RAC1: variants seen among roughly 807,000 people sequenced by gnomAD.
RAC1 encodes the protein ras-related C3 botulinum toxin substrate 1.
Under a neutral mutation model 25.2 loss-of-function variants are expected in RAC1, and 2 were observed. The observed-to-expected ratio is 0.08, with a 90% CI of 0.03 to 0.25. The LOEUF (loss-of-function observed/expected upper bound fraction) is 0.25. Ranked by LOEUF, RAC1 falls within the 10% of genes least tolerant of loss-of-function variation. RAC1 has a pLI of 1.00. For synonymous variants in RAC1, 88 were observed against 94.0 expected, an observed-to-expected ratio of 0.94 and a Z score of 0.37; for missense variants, 50 against 235.7, an observed-to-expected ratio of 0.21 and a Z score of 5.16.
At chr7:6,385,599 T>C (rs953124084) in intron 1 of RAC1, among the ~76,000 whole-genome samples, 2 of 152,206 alleles carry the variant, frequency 1.3e-5, no homozygotes, top group African/African-American at 4.8e-5. Context: ...AGCTACTTCC[T>C]GGTGATGTAA....
At chr7:6,381,595 G>C (rs1252394184) in intron 1 of RAC1, among the ~76,000 whole-genome samples, 1 of 104,770 alleles carries the variant, frequency 9.5e-6, no homozygotes, top group Non-Finnish European at 2.5e-5. Context: ...GGGTTTCACT[G>C]TGCTGCCCAG....
At chr7:6,398,128 G>T (rs567143275) in intron 3 of RAC1, among the ~76,000 whole-genome samples, 3 of 152,332 alleles carry the variant, frequency 2.0e-5, no homozygotes, top group African/African-American at 7.2e-5. Context: ...CTAGGTGGAA[G>T]ATAGGAACAT....
chr7:6,384,332 C>T (rs1362275064), intron 1 of RAC1, among the ~76,000 whole-genome samples: 1 of 152,190 alleles, frequency 6.6e-6, no homozygotes, highest in African/African-American at 2.4e-5. Context: ...TCCCTGGCGT[C>T]CTCAGGCTTC....
intron 3 of RAC1, 44 bp from the exon 4 acceptor site, chr7:6,400,082 C>A: frequency 6.5e-7 from 1 of 1,536,484 alleles, no homozygotes; most frequent in South Asian, 1.1e-5. Flanking sequence ...ATGCTTCATT[C>A]TAAGGTTGTT....
chr7:6,392,057 G>A lies in RAC1; in HGVS notation c.225+16G>A, dbSNP rs768947259. 1.2e-6 allele frequency: 2 copies of A among 1,614,048 alleles called. No homozygotes were observed. Among genetic ancestry groups the A allele is most frequent in the Non-Finnish European group, 1.7e-6 (2 of 1,179,988 alleles). On this transcript the variant is annotated intron_variant, in intron 3 of 5. Transcript: ENST00000348035. ...TCCGCAAACAGTAAGGATTGCAGCT[G>A]ACTTTTAATGTGTCTTTTAGAGTAT...
chr7:6,396,122 G>A (rs1368958471), intron 3 of RAC1, among the ~76,000 whole-genome samples: 2 of 152,204 alleles, frequency 1.3e-5, no homozygotes, highest in African/African-American at 2.4e-5. Flanking sequence ...TCAGAAAGGG[G>A]AAAGCAGTGC....
At chr7:6,377,486 C>G (rs7792815) in intron 1 of RAC1, among the ~76,000 whole-genome samples, 7 of 151,822 alleles carry the variant, frequency 4.6e-5, no homozygotes, top group African/African-American at 1.7e-4. Context: ...CCCAGCTACT[C>G]GGGAGGCTAA....
rs540068161 is a variant in RAC1, at chr7:6,377,905, T to C, written c.35+3135T>C. ...GGGTGACAGAGGGAAACTGTCTTTT[T>C]TTGTTTGTTTGTTTTTAAAGGAGAT... On this transcript the variant is annotated intron_variant, in intron 1 of 5. Transcript: ENST00000348035. Among the ~76,000 whole-genome samples the C allele has an allele frequency of 2.6e-5, 4 of 151,952 alleles. No individual in the cohort carries two copies. In the South Asian group the frequency reaches 8.3e-4, roughly 32 times the overall value.
chr7:6,387,805 C>G (rs1195607289), intron 2 of RAC1, among the ~76,000 whole-genome samples: 1 of 151,854 alleles, frequency 6.6e-6, no homozygotes, highest in African/African-American at 2.4e-5. Flanking sequence ...ATCCAGAAAG[C>G]AAACTTTAAC....
chr7:6,378,511 A>C (rs1057193021), intron 1 of RAC1, among the ~76,000 whole-genome samples: 2 of 152,058 alleles, frequency 1.3e-5, no homozygotes, highest in Non-Finnish European at 2.9e-5. Context: ...GTGTCACTGC[A>C]CTCCAGCCTG....
intron 1 of RAC1, among the ~76,000 whole-genome samples, chr7:6,379,245 G>A (rs145489183): frequency 0.022 from 3,289 of 149,452 alleles, 61 homozygotes; most frequent in Middle Eastern, 0.053. Flanking sequence ...GGAACTACAC[G>A]TGCCTGCTAC....
At chr7:6,374,893 C>A (rs1407400803) in intron 1 of RAC1, 123 bp downstream of exon 1, 2 of 827,836 alleles carry the variant, frequency 2.4e-6, no homozygotes, top group Non-Finnish European at 3.0e-6. Flanking sequence ...TGGGCCTGGG[C>A]CTGTGTCGCG....
At chr7:6,396,719 C>G (rs1783245404) in intron 3 of RAC1, among the ~76,000 whole-genome samples, 1 of 152,174 alleles carries the variant, frequency 6.6e-6, no homozygotes, top group South Asian at 2.1e-4. Context: ...CTAATGTGCT[C>G]TTTGAATGTT....
At chr7:6,391,694 T>C in intron 2 of RAC1, 1 of 537,900 alleles carries the variant, frequency 1.9e-6, no homozygotes. Flanking sequence ...TTCACTTAAA[T>C]AGCTTGTTGT....
Position 6,374,797 on chromosome 7 carries a change from G to C in RAC1, c.35+27G>C, listed in dbSNP as rs768504081. 69 of 1,113,018 alleles carry C rather than the reference G, an allele frequency of 6.2e-5. 1 individual carries two copies. In the East Asian group the frequency reaches 3.1e-3, roughly 51 times the overall value. 68.9% of individuals were successfully genotyped at this position (1,113,018 alleles called of 1,614,324 possible). ...TGAGTGCGCGGCCGGGGCCGGGCTG[G>C]AGGCCGCGGGATCGGGCGCGGAGGG... On this transcript the variant is annotated intron_variant, in intron 1 of 5. Coordinates refer to ENST00000348035, the MANE Select transcript of RAC1 (RefSeq NM_006908.5).
intron 1 of RAC1, among the ~76,000 whole-genome samples, chr7:6,381,218 T>A (rs1782754196): frequency 6.6e-6 from 1 of 152,174 alleles, no homozygotes; most frequent in Admixed American, 6.6e-5. Flanking sequence ...AAATTCTTAT[T>A]TTTGAACTCT....
chr7:6,391,327 C>G lies in RAC1; in HGVS notation c.108-597C>G, dbSNP rs1241141585. On this transcript the variant is annotated intron_variant, in intron 2 of 5. Transcript: ENST00000348035. ...AATTTTTAACATCAGTCTGATTTCC[C>G]TCTGTCAGCCTATAGGCTTTGCTGG... 4.6e-5 allele frequency: 7 copies of G among 151,802 alleles called. No homozygotes were observed. In the South Asian group the frequency reaches 1.0e-3, roughly 23 times the overall value. 9.4% of individuals were successfully genotyped at this position (151,802 alleles called of 1,614,324 possible).
intron 3 of RAC1, among the ~76,000 whole-genome samples, chr7:6,397,026 C>T (rs1291496012): frequency 1.0e-5 from 1 of 99,336 alleles, no homozygotes; most frequent in African/African-American, 4.0e-5. Context: ...GCGAGACTCC[C>T]TCTCAAAAAC....
At chr7:6,395,130 A>T (rs1783198537) in intron 3 of RAC1, among the ~76,000 whole-genome samples, 1 of 152,086 alleles carries the variant, frequency 6.6e-6, no homozygotes, top group African/African-American at 2.4e-5. Flanking sequence ...CTGGGATTAC[A>T]AATTTTGTAT....
Sources: gnomAD v4.1 joint callset for allele counts (sites outside exome capture counted in the v4.1 genomes callset) on GRCh38, gnomAD v4.1.1 for gene constraint, MANE v1.5 for transcripts, NCBI Gene and HGNC (gene_info 2026-07-23, HGNC 2026-07-21) for gene names.